Variants in FAM81A observed in about 807,000 individuals in gnomAD.
FAM81A encodes the protein family with sequence similarity 81 member A.
Under a neutral mutation model 46.7 loss-of-function variants are expected in FAM81A, and 19 were observed. The observed-to-expected ratio is 0.41, with a 90% confidence interval of 0.28 to 0.60. FAM81A has a LOEUF of 0.60. Among genes scored for constraint, FAM81A ranks in the 20% least tolerant of loss-of-function variants. The probability of loss-of-function intolerance (pLI) is 0.34; values close to 1 mark genes in which losing one functional copy is unlikely to be tolerated. For synonymous variants in FAM81A, 183 were observed against 152.9 expected (o/e 1.20, Z -1.45); for missense variants, 377 against 453.5 (o/e 0.83, Z 1.53).
At chr15:59,482,404 G>T (rs1036877031) in intron 3 of FAM81A, among the ~76,000 whole-genome samples, 6 of 152,150 alleles carry the variant, frequency 3.9e-5, no homozygotes, top group Non-Finnish European at 8.8e-5. Context: ...GAGTAGCTGG[G>T]ATTACAGGTG....
chr15:59,508,173 G>A (rs1446396089), intron 5 of FAM81A, among the ~76,000 whole-genome samples: 4 of 152,206 alleles, frequency 2.6e-5, no homozygotes, highest in African/African-American at 9.6e-5. Flanking sequence ...CCAGAGAAGA[G>A]ATGTTAAGGA....
chr15:59,399,892 T>A (rs1480612205), intron 1 of FAM81A, among the ~76,000 whole-genome samples: 4 of 152,010 alleles, frequency 2.6e-5, no homozygotes, highest in African/African-American at 9.7e-5. Flanking sequence ...GCCCCATACT[T>A]ATTTTTCAGA....
intron 1 of FAM81A, chr15:59,401,918 A>T: frequency 2.6e-6 from 2 of 759,018 alleles, no homozygotes; most frequent in Non-Finnish European, 4.9e-6. Flanking sequence ...GAGCCTCTCG[A>T]CTTTCTTTCT....
chr15:59,409,523 C>G (rs1423514203), intron 2 of FAM81A, among the ~76,000 whole-genome samples: 65 of 152,164 alleles, frequency 4.3e-4, no homozygotes, highest in Non-Finnish European at 7.4e-5. Flanking sequence ...AGTGCCCAGA[C>G]TCCTTGAAGA....
intron 8 of FAM81A, 26 bp from the exon 9 acceptor site, chr15:59,521,228 G>T: frequency 6.3e-7 from 1 of 1,596,034 alleles, no homozygotes; most frequent in Non-Finnish European, 8.5e-7. Flanking sequence ...ATTGTTAACT[G>T]TTGTGAAATT....
intron 3 of FAM81A, among the ~76,000 whole-genome samples, chr15:59,484,883 G>A (rs2081898562): frequency 6.6e-6 from 1 of 152,172 alleles, no homozygotes; most frequent in Non-Finnish European, 1.5e-5. Flanking sequence ...CTGGGCTAAA[G>A]GCGGGCCCGC....
At position 59,410,144 on chromosome 15, in the gene FAM81A, C is replaced by G. The variant is rs140557152; in HGVS notation, c.-78+7786C>G. 5.8e-3 allele frequency among the ~76,000 whole-genome samples: 887 copies of G among 152,070 alleles called. 14 individuals carry two copies. Among genetic ancestry groups the G allele is most frequent in the African/African-American group, 0.021 (858 of 41,464 alleles). On this transcript the variant is annotated intron_variant, in intron 2 of 4. Coordinates refer to the FAM81A transcript ENST00000558348. ...TGAAATCCCGTCTCTACTAAAAATA[C>G]AAATTTGTCAGGCATGGTGGCGTGC... is the stretch of plus-strand genomic sequence containing the variant.
At chr15:59,412,680 T>C (rs2081127043) in intron 2 of FAM81A, among the ~76,000 whole-genome samples, 1 of 151,178 alleles carries the variant, frequency 6.6e-6, no homozygotes, top group African/African-American at 2.4e-5. Context: ...TGAGCTGTGA[T>C]CGCACCATTG....
intron 1 of FAM81A, among the ~76,000 whole-genome samples, chr15:59,453,621 G>A (rs1273524947): frequency 6.6e-6 from 1 of 152,062 alleles, no homozygotes; most frequent in Non-Finnish European, 1.5e-5. Flanking sequence ...TGCAAAGGGA[G>A]AGTGAGAGAA....
Position 59,466,276 on chromosome 15 carries a change from G to T in FAM81A, c.294+6070G>T, listed in dbSNP as rs192381559. Among the ~76,000 whole-genome samples the T allele has an allele frequency of 4.6e-5, 7 of 152,246 alleles. No homozygotes were observed. In the East Asian group the frequency reaches 1.4e-3, roughly 29 times the overall value. On this transcript the variant is annotated intron_variant, in intron 3 of 8. Transcript: ENST00000288228. Reference sequence around the variant, plus strand: ...TCTAGTTCTAGATCCCTGAGGAATCGCCACACTGTCTTCCACAATGGTTAA... The same window carrying T: ...TCTAGTTCTAGATCCCTGAGGAATCTCCACACTGTCTTCCACAATGGTTAA...
intron 4 of FAM81A, among the ~76,000 whole-genome samples, chr15:59,493,656 C>T (rs1174374115): frequency 1.3e-5 from 2 of 152,104 alleles, no homozygotes; most frequent in Non-Finnish European, 2.9e-5. Context: ...GGCACAATCT[C>T]GGCTCACTGC....
chr15:59,442,401 T>G (rs1470094237), intron 1 of FAM81A, among the ~76,000 whole-genome samples: 7 of 151,800 alleles, frequency 4.6e-5, no homozygotes, highest in Non-Finnish European at 1.0e-4. Context: ...TCACCTGAGG[T>G]CAGGAGTTCC....
At chr15:59,515,919 C>T (rs544464005) in intron 7 of FAM81A, among the ~76,000 whole-genome samples, 3 of 152,242 alleles carry the variant, frequency 2.0e-5, no homozygotes, top group South Asian at 2.1e-4. Context: ...TCCTCAGTGA[C>T]CCAGGATCCT....
chr15:59,428,523 C>CCT (rs1343983355), intron 2 of FAM81A, among the ~76,000 whole-genome samples: 1 of 150,498 alleles, frequency 6.6e-6, no homozygotes, highest in Non-Finnish European at 1.5e-5. Flanking sequence ...GCTTCTCAGG[C>CCT]CTCAGCCTCC....
chr15:59,433,140 C>CAAAAAA (rs552850890), intron 2 of FAM81A, among the ~76,000 whole-genome samples: 1 of 42,452 alleles, frequency 2.4e-5, no homozygotes, highest in African/African-American at 1.1e-4. Context: ...GACTCCGTCT[C>CAAAAAA]AAAAAAAAAA....
chr15:59,451,097 G>A (rs1294773732), intron 1 of FAM81A, among the ~76,000 whole-genome samples: 1 of 152,204 alleles, frequency 6.6e-6, no homozygotes, highest in Non-Finnish European at 1.5e-5. Context: ...AGCATCATGG[G>A]TTCCAGTGTC....
intron 4 of FAM81A, 107 bp downstream of exon 4, chr15:59,492,496 C>T: frequency 1.2e-6 from 1 of 840,126 alleles, no homozygotes; most frequent in South Asian, 1.6e-5. Context: ...GGCTTGCATT[C>T]CTTTAGTACA....
upstream of FAM81A, among the ~76,000 whole-genome samples, chr15:59,436,786 AG>A (rs1428776461): frequency 8.6e-6 from 1 of 116,940 alleles, no homozygotes; most frequent in Non-Finnish European, 1.9e-5. Context: ...GAGCTTTTGC[AG>A]CACTAAAGAG....
chr15:59,402,587 T>C (rs914681319), intron 2 of FAM81A, among the ~76,000 whole-genome samples: 10 of 152,132 alleles, frequency 6.6e-5, no homozygotes, highest in Admixed American at 4.6e-4. Context: ...GTCTTCCAGG[T>C]TGGAGGGCAG....
Sources: allele counts gnomAD v4.1 joint callset (sites outside exome capture counted in the v4.1 genomes callset), GRCh38; gene constraint gnomAD v4.1.1; transcripts MANE v1.5; gene names NCBI Gene and HGNC (gene_info 2026-07-23, HGNC 2026-07-21).